Variants in SLC12A2 observed in about 807,000 individuals in gnomAD.
SLC12A2 encodes the protein Na-K-2Cl cotransporter 1.
In SLC12A2, 67 loss-of-function variants were observed where a neutral mutation model predicts 136.3. The observed-to-expected ratio is 0.49, with a 90% CI of 0.40 to 0.60. SLC12A2 has a LOEUF of 0.60. Ranked by LOEUF, SLC12A2 falls within the 20% of genes least tolerant of loss-of-function variation. The pLI is 0.00. For missense variants in SLC12A2, 1,322 were observed against 1,534.7 expected, an observed-to-expected ratio of 0.86 and a Z score of 2.32; for synonymous variants, 619 against 562.9, an observed-to-expected ratio of 1.10 and a Z score of -1.41.
chr5:128,083,786 C>T lies in SLC12A2; in HGVS notation c.-169C>T, dbSNP rs1030253732. 2 of 434,478 alleles carry T rather than the reference C, an allele frequency of 4.6e-6. No homozygotes were observed. Among genetic ancestry groups the T allele is most frequent in the Non-Finnish European group, 7.5e-6 (2 of 268,198 alleles). The allele number at this position is 434,478 out of a possible 1,614,324, so 26.9% of individuals were successfully genotyped here. A position where few individuals can be genotyped will look rare whatever the true frequency, so the allele number is the denominator to read the frequency against. On this transcript the variant is annotated 5_prime_UTR_variant, in exon 1 of 27. Transcript: ENST00000262461. ...CCGCCACACTCGCGCGCTCGCTCGG[C>T]TGCCGGTGGCCTCTGTGGCCGTCCA...
chr5:128,118,494 T>G (rs1444421196), intron 4 of SLC12A2, among the ~76,000 whole-genome samples: 3 of 152,180 alleles, frequency 2.0e-5, no homozygotes, highest in Non-Finnish European at 4.4e-5. Context: ...TCATGTATTC[T>G]TTCTTATAAG....
chr5:128,101,157 C>T (rs934235923), intron 1 of SLC12A2, among the ~76,000 whole-genome samples: 2 of 152,046 alleles, frequency 1.3e-5, no homozygotes, highest in African/African-American at 4.8e-5. Context: ...GTATGGGGAG[C>T]ATTACACTGA....
At chr5:128,113,268 G>A (rs1384712676) in intron 2 of SLC12A2, among the ~76,000 whole-genome samples, 2 of 152,188 alleles carry the variant, frequency 1.3e-5, no homozygotes, top group African/African-American at 2.4e-5. Context: ...CAAATTGGGA[G>A]CATCAGAATC....
Position 128,084,058 on chromosome 5 carries a change from C to A in SLC12A2, c.104C>A (p.Pro35His). The A allele has an allele frequency of 7.7e-7, 1 of 1,303,846 alleles. No homozygotes were observed. Among genetic ancestry groups the A allele is most frequent in the Non-Finnish European group, 9.7e-7 (1 of 1,029,776 alleles). 80.8% of individuals were successfully genotyped at this position (1,303,846 alleles called of 1,614,324 possible). The change falls in exon 1 of 27, where the codon CCC becomes CAC. Residue 35 changes from proline to histidine, a missense_variant. Physicochemically the swap from Pro to His is moderately conservative, Grantham distance 77 (BLOSUM62 -2). Transcript: ENST00000262461. This position sits in a 1 kb window ranked among gnomAD's most constrained non-coding sequence, Gnocchi z 5.6. ...CTGGCCGCAGCCAGGGTGGAACTGCCCGGCACGGCTGTGCCCTCGGTGCCG... is the reference window on the plus strand; with the variant it reads ...CTGGCCGCAGCCAGGGTGGAACTGCACGGCACGGCTGTGCCCTCGGTGCCG... ...AALAAARVELPGTAVPSVPED... is the reference protein window; with the variant it reads ...AALAAARVELHGTAVPSVPED...
rs761330622 is a variant in SLC12A2, at chr5:128,114,204, C to A, written c.877-8C>A. 11 of 1,607,110 alleles carry A rather than the reference C, an allele frequency of 6.8e-6. No individual in the cohort carries two copies. In the Admixed American group the frequency reaches 1.8e-4, roughly 27 times the overall value. On this transcript the variant is annotated splice_region_variant and splice_polypyrimidine_tract_variant and intron_variant, in intron 2 of 26. Coordinates refer to ENST00000262461, the MANE Select transcript of SLC12A2 (RefSeq NM_001046.3). ...CCTCTGTGTCTTGGCCTCTTTTTCC[C>A]TCTTTAGGTACGTTGTATGTTAAAC...
At chr5:128,157,763 A>AT (rs1762909227) in intron 15 of SLC12A2, among the ~76,000 whole-genome samples, 1 of 152,134 alleles carries the variant, frequency 6.6e-6, no homozygotes, top group South Asian at 2.1e-4. Context: ...ATTGTTATAT[A>AT]TTTTTTTAAC....
At chr5:128,091,333 GT>G (rs1760310407) in intron 1 of SLC12A2, among the ~76,000 whole-genome samples, 1 of 152,168 alleles carries the variant, frequency 6.6e-6, no homozygotes, top group South Asian at 2.1e-4. Context: ...CTACAAATTA[GT>G]TCTCCAATGA....
At chr5:128,132,681 G>A (rs1410911226) in intron 5 of SLC12A2, among the ~76,000 whole-genome samples, 1 of 152,134 alleles carries the variant, frequency 6.6e-6, no homozygotes, top group Non-Finnish European at 1.5e-5. Context: ...GGTACATAAG[G>A]AAGTATAAAA....
Position 128,174,621 on chromosome 5 carries a change from TTAGATA to T in SLC12A2, c.2885_2890del (p.Leu962_Thr964delinsSer). On this transcript the variant is annotated inframe_deletion, in exon 20 of 27. Transcript: ENST00000262461. Reference sequence around the variant, plus strand: ...TGTGGAATATAGTAAAAAGTCCGATTTAGATACTTCCAAACCACTCAGTGAAAAACC... The same window carrying T: ...TGTGGAATATAGTAAAAAGTCCGATTCTTCCAAACCACTCAGTGAAAAACC... 1 of 1,609,352 alleles carries T rather than the reference TTAGATA, an allele frequency of 6.2e-7. No homozygotes were observed. The highest frequency in any genetic ancestry group is 1.1e-5 in the South Asian group (1 of 90,166).
At chr5:128,156,591 A>G (rs769195893) in intron 15 of SLC12A2, among the ~76,000 whole-genome samples, 1 of 152,200 alleles carries the variant, frequency 6.6e-6, no homozygotes, top group Admixed American at 6.5e-5. Flanking sequence ...TATGGGTTAA[A>G]CTACTATAAT....
intron 2 of SLC12A2, 39 bp from the exon 3 acceptor site, chr5:128,114,173 C>T: frequency 7.1e-7 from 1 of 1,401,458 alleles, no homozygotes. Flanking sequence ...TTTGATTATT[C>T]TTCTTCCTCT....
Position 128,157,120 on chromosome 5 carries a change from A to G in SLC12A2, c.2364-933A>G, listed in dbSNP as rs145525107. 3.0e-3 allele frequency among the ~76,000 whole-genome samples: 462 copies of G among 152,272 alleles called. 3 individuals carry two copies. Among genetic ancestry groups the G allele is most frequent in the African/African-American group, 0.011 (445 of 41,546 alleles). On this transcript the variant is annotated intron_variant, in intron 15 of 26. Coordinates refer to ENST00000262461, the MANE Select transcript of SLC12A2 (RefSeq NM_001046.3). Reference sequence around the variant, plus strand: ...TTATTTAGGTTTTCATCCTCATTTTAAGGACTCCTGTAAACGTTAACGTTT... The same window carrying G: ...TTATTTAGGTTTTCATCCTCATTTTGAGGACTCCTGTAAACGTTAACGTTT...
At chr5:128,167,024 A>G (rs1373758448) in intron 17 of SLC12A2, among the ~76,000 whole-genome samples, 15 of 152,038 alleles carry the variant, frequency 9.9e-5, no homozygotes, top group Non-Finnish European at 1.2e-4. Flanking sequence ...AAATAATACA[A>G]ATTTTAAAAA....
intron 22 of SLC12A2, among the ~76,000 whole-genome samples, chr5:128,179,722 C>T (rs1431864865): frequency 6.6e-6 from 1 of 152,052 alleles, no homozygotes; most frequent in Non-Finnish European, 1.5e-5. Flanking sequence ...AGCACCAAAC[C>T]TTGAGGGACT....
intron 1 of SLC12A2, among the ~76,000 whole-genome samples, chr5:128,105,216 C>T (rs555479529): frequency 6.6e-6 from 1 of 152,198 alleles, no homozygotes; most frequent in African/African-American, 2.4e-5. Context: ...ATATTTTATA[C>T]CCAGGGCTGA....
chr5:128,135,457 A>T (rs1282827552), intron 6 of SLC12A2, among the ~76,000 whole-genome samples: 1 of 152,054 alleles, frequency 6.6e-6, no homozygotes, highest in Non-Finnish European at 1.5e-5. Context: ...TCATTTCAGA[A>T]ATATGGCATG....
In SLC12A2 at chr5:128,130,964, T is replaced by C. The variant is rs544355508; in HGVS notation, c.1049-103T>C. The C allele has an allele frequency of 4.8e-5, 50 of 1,036,696 alleles. 1 individual carries two copies. In the South Asian group the frequency reaches 6.4e-4, roughly 13 times the overall value. The allele number at this position is 1,036,696 out of a possible 1,614,324, so 64.2% of individuals were successfully genotyped here. On this transcript the variant is annotated intron_variant, in intron 4 of 26. Transcript: ENST00000262461. ...TTGCCTCTTTAACTGCTCTGCTTAT[T>C]GGGGGCATCTGCTTTGTGAATTCAT...
At chr5:128,174,742 A>T in intron 20 of SLC12A2, 76 bp downstream of exon 20, 2 of 1,151,884 alleles carry the variant, frequency 1.7e-6, no homozygotes, top group Non-Finnish European at 2.4e-6. Context: ...ATTATATAAT[A>T]TGTCTTATAA....
At chr5:128,166,080 T>G (rs890598831) in intron 17 of SLC12A2, among the ~76,000 whole-genome samples, 1 of 152,122 alleles carries the variant, frequency 6.6e-6, no homozygotes, top group African/African-American at 2.4e-5. Flanking sequence ...TGGAACACTT[T>G]GAAAACAGAT....
Sources: allele counts gnomAD v4.1 joint callset (sites outside exome capture counted in the v4.1 genomes callset), GRCh38; gene constraint gnomAD v4.1.1; non-coding constraint Gnocchi (gnomAD v3.1); transcripts MANE v1.5; gene names NCBI Gene and HGNC (gene_info 2026-07-23, HGNC 2026-07-21).